Variants in DNMT3A observed in about 807,000 individuals in gnomAD.
DNMT3A encodes DNA methyltransferase 3 alpha.
In DNMT3A, 267 loss-of-function variants were observed where a neutral mutation model predicts 117.6. That is an observed-to-expected ratio of 2.27 (90% confidence interval 2.05 to 2.51). The LOEUF is 2.51. Among genes scored for constraint, DNMT3A ranks in the 30% most tolerant of loss-of-function variants. The probability of loss-of-function intolerance (pLI) is 0.00; values close to 1 mark genes in which losing one functional copy is unlikely to be tolerated. For synonymous variants in DNMT3A, 432 were observed against 474.8 expected (o/e 0.91, Z 1.17); for missense variants, 1,029 against 1,260.2 (o/e 0.82, Z 2.78).
chr2:25,303,636 G>A (rs954386121), intron 2 of DNMT3A, among the ~76,000 whole-genome samples: 8 of 152,224 alleles, frequency 5.3e-5, no homozygotes, highest in Admixed American at 3.9e-4. Flanking sequence ...GTCGTGCTTG[G>A]AGTCTCCACG....
intron 1 of DNMT3A, among the ~76,000 whole-genome samples, chr2:25,338,884 G>A (rs1487118453): frequency 1.3e-5 from 2 of 152,164 alleles, no homozygotes; most frequent in African/African-American, 4.8e-5. Context: ...AGGGACTGAG[G>A]AGCTTACTGT....
At chr2:25,240,863 G>T in intron 17 of DNMT3A, 133 bp from the exon 18 acceptor site, 1 of 798,060 alleles carries the variant, frequency 1.3e-6, no homozygotes, top group Non-Finnish European at 2.0e-6. Flanking sequence ...TGCTCTGCAG[G>T]CTCACGACCC....
Position 25,327,213 on chromosome 2 carries a change from C to A in DNMT3A, c.-177-13052G>T, listed in dbSNP as rs1036949120. On this transcript the variant is annotated intron_variant, in intron 1 of 22. Transcript: ENST00000321117. The surrounding 1 kb of genome is among the most constrained non-coding windows in gnomAD (Gnocchi z 4.1). ...CTAGCCAATTCCTCATTATTCCAAT[C>A]CAATTAGAGTTAATAATTCGTTATG... 6.6e-6 allele frequency among the ~76,000 whole-genome samples: 1 copy of A among 152,214 alleles called. No homozygotes were observed. Among genetic ancestry groups the A allele is most frequent in the African/African-American group, 2.4e-5 (1 of 41,458 alleles).
At chr2:25,266,253 ACAT>A (rs1225399132) in intron 6 of DNMT3A, among the ~76,000 whole-genome samples, 1 of 152,248 alleles carries the variant, frequency 6.6e-6, no homozygotes, top group African/African-American at 2.4e-5. Flanking sequence ...CCTACTCCAA[ACAT>A]CATCATCTCC....
chr2:25,230,789 AAGG>A lies in DNMT3A; in HGVS notation c.*3487_*3489del, dbSNP rs1672835497. ...GGTGATTGTTAACTCTCGTCCCTGC[AAGG>A]GGGGGGGGGGGGGGGCCATGACCCC... On this transcript the variant is annotated 3_prime_UTR_variant, in exon 23 of 23. Coordinates refer to ENST00000321117, the MANE Select transcript of DNMT3A (RefSeq NM_022552.5). 2.5e-3 allele frequency: 3 copies of A among 1,214 alleles called. No individual in the cohort carries two copies. The highest frequency in any genetic ancestry group is 0.01 in the Admixed American group (1 of 96). 0.1% of individuals were successfully genotyped at this position (1,214 alleles called of 1,614,324 possible). A position where few individuals can be genotyped will look rare whatever the true frequency, so the allele number is the denominator to read the frequency against.
chr2:25,244,710 C>T lies in DNMT3A; in HGVS notation c.1555-58G>A, dbSNP rs1054026818. The stretch of plus-strand genomic sequence containing the variant: ...AGGACGGGTCCCAGGACGGCCAGGA[C>T]GAAGGGAGGCTCCACACCTGGCCTC... On this transcript the variant is annotated intron_variant, in intron 13 of 22. Coordinates refer to ENST00000321117, the MANE Select transcript of DNMT3A (RefSeq NM_022552.5). 2.3e-5 allele frequency: 33 copies of T among 1,464,570 alleles called. No individual in the cohort carries two copies. The Admixed American group carries it at 3.9e-4, about 17-fold the overall frequency. The allele number at this position is 1,464,570 out of a possible 1,614,324, so 90.7% of individuals were successfully genotyped here. A position where few individuals can be genotyped will look rare whatever the true frequency, so the allele number is the denominator to read the frequency against.
At chr2:25,287,493 C>T (rs2032396891) in intron 3 of DNMT3A, among the ~76,000 whole-genome samples, 1 of 152,172 alleles carries the variant, frequency 6.6e-6, no homozygotes, top group African/African-American at 2.4e-5. Flanking sequence ...CTTCGCTTTC[C>T]TTCTGGGCAG....
chr2:25,307,857 C>T (rs1025920034), intron 2 of DNMT3A, among the ~76,000 whole-genome samples: 2 of 152,212 alleles, frequency 1.3e-5, no homozygotes, highest in Non-Finnish European at 2.9e-5. Context: ...ATCCCTAACC[C>T]GGCCATTAAG....
Position 25,231,680 on chromosome 2 carries a change from T to TTGAC in DNMT3A, c.*2595_*2598dup, listed in dbSNP as rs1433681848. ...TAGGTAGGGGGAGTTGAGGGCTGAC[T>TTGAC]TGACTGGTGCCTAGAGTTGCAGGTC... On this transcript the variant is annotated 3_prime_UTR_variant, in exon 23 of 23. Transcript: ENST00000321117. 2.6e-5 allele frequency: 4 copies of TTGAC among 152,034 alleles called. 1 individual carries two copies. Among genetic ancestry groups the TTGAC allele is most frequent in the African/African-American group, 9.7e-5 (4 of 41,286 alleles). The allele number at this position is 152,034 out of a possible 1,614,324, so 9.4% of individuals were successfully genotyped here. A position where few individuals can be genotyped will look rare whatever the true frequency, so the allele number is the denominator to read the frequency against.
rs1452710152 is a variant in DNMT3A at position 25,233,291 on chromosome 2, G to T, written c.*988C>A. On this transcript the variant is annotated 3_prime_UTR_variant, in exon 23 of 23. Coordinates refer to ENST00000321117, the MANE Select transcript of DNMT3A (RefSeq NM_022552.5). ...CCTTCACTTCGTTACAAACCAAGGG[G>T]AAGAGCCCACCGTGAGAACGCGCCA... 1 of 233,628 alleles carries T rather than the reference G, an allele frequency of 4.3e-6. No individual in the cohort carries two copies. The highest frequency in any genetic ancestry group is 5.6e-5 in the Admixed American group (1 of 17,770). 14.5% of individuals were successfully genotyped at this position (233,628 alleles called of 1,614,324 possible).
intron 4 of DNMT3A, among the ~76,000 whole-genome samples, chr2:25,280,174 C>A (rs1241306480): frequency 6.6e-6 from 1 of 152,168 alleles, no homozygotes; most frequent in Non-Finnish European, 1.5e-5. Flanking sequence ...CTGCTGCCAT[C>A]CTGCTCATCA....
chr2:25,246,987 C>T, intron 9 of DNMT3A, 64 bp downstream of exon 9: 1 of 1,569,978 alleles, frequency 6.4e-7, no homozygotes, highest in Non-Finnish European at 8.7e-7. Context: ...CCGACCTGCA[C>T]TCCAACTTCC....
intron 4 of DNMT3A, among the ~76,000 whole-genome samples, chr2:25,279,169 G>T (rs1042640315): frequency 1.3e-5 from 2 of 152,192 alleles, no homozygotes; most frequent in Non-Finnish European, 2.9e-5. Context: ...GCACAGGCCT[G>T]TCGGGTGTTG....
chr2:25,288,196 C>T (rs57190448), intron 3 of DNMT3A, among the ~76,000 whole-genome samples: 26 of 146,574 alleles, frequency 1.8e-4, no homozygotes, highest in African/African-American at 6.0e-4. Context: ...GCACTTTGGG[C>T]GGCTGAGGCG....
In DNMT3A at chr2:25,247,205, G is replaced by A. The variant is rs756135638; in HGVS notation, c.1015-47C>T. 1 of 1,587,558 alleles carries A rather than the reference G, an allele frequency of 6.3e-7. No homozygotes were observed. The highest frequency in any genetic ancestry group is 8.6e-7 in the Non-Finnish European group (1 of 1,161,516). On this transcript the variant is annotated intron_variant, in intron 8 of 22. Coordinates refer to ENST00000321117, the MANE Select transcript of DNMT3A (RefSeq NM_022552.5). The surrounding 1 kb of genome is among the most constrained non-coding windows in gnomAD (Gnocchi z 5.6). ...TGTTTGCCGAGGCTTACACTTGCAAGCACCCACCCCATGCCTTGCAACTGG... is the reference window on the plus strand; with the variant it reads ...TGTTTGCCGAGGCTTACACTTGCAAACACCCACCCCATGCCTTGCAACTGG...
chr2:25,275,965 G>A (rs555694090), intron 4 of DNMT3A, among the ~76,000 whole-genome samples: 1 of 152,328 alleles, frequency 6.6e-6, no homozygotes, highest in East Asian at 1.9e-4. Flanking sequence ...AGGAAGGCCT[G>A]GGCCAGAGGG....
Position 25,246,908 on chromosome 2 carries a change from A to G in DNMT3A, c.1123-132T>C, listed in dbSNP as rs542920523. ...GGAGGAACCGCTGAGGAGGAGCGGG[A>G]TGTGCATACGGGCGAGCGAGGTGGA... On this transcript the variant is annotated intron_variant, in intron 9 of 22. Coordinates refer to ENST00000321117, the MANE Select transcript of DNMT3A (RefSeq NM_022552.5). 13 of 1,497,916 alleles carry G rather than the reference A, an allele frequency of 8.7e-6. No individual in the cohort carries two copies. The African/African-American group carries it at 1.2e-4, about 14-fold the overall frequency. The allele number at this position is 1,497,916 out of a possible 1,614,324, so 92.8% of individuals were successfully genotyped here.
Position 25,286,549 on chromosome 2 carries a change from G to T in DNMT3A, c.178-3838C>A, listed in dbSNP as rs568323845. Among the ~76,000 whole-genome samples, 5 of 152,308 alleles carry T rather than the reference G, an allele frequency of 3.3e-5. No individual in the cohort carries two copies. Among genetic ancestry groups the T allele is most frequent in the South Asian group, 2.1e-4 (1 of 4,830 alleles). ...ATTCAGCCAAAGTTCTGGGATTTGG[G>T]GGGGAGGGCAATGACTTCTGCCACG... On this transcript the variant is annotated intron_variant, in intron 3 of 22. Transcript: ENST00000321117. The surrounding 1 kb of genome is among the most constrained non-coding windows in gnomAD (Gnocchi z 4.3).
rs374556221 is a variant in DNMT3A, at chr2:25,268,428, C to T, written c.639+6513G>A. Among the ~76,000 whole-genome samples, 55 of 152,312 alleles carry T rather than the reference C, an allele frequency of 3.6e-4. No homozygotes were observed. In the East Asian group the frequency reaches 8.9e-3, roughly 25 times the overall value. On this transcript the variant is annotated intron_variant, in intron 6 of 22. Transcript: ENST00000321117. Reference sequence around the variant, plus strand: ...TGAGTGGCTTCCCAGGCGAGATGACCGCCCAGCTACTGACCCTGGGTCTCT... The same window carrying T: ...TGAGTGGCTTCCCAGGCGAGATGACTGCCCAGCTACTGACCCTGGGTCTCT...
Sources: gnomAD v4.1 joint callset for allele counts (sites outside exome capture counted in the v4.1 genomes callset) on GRCh38, gnomAD v4.1.1 for gene constraint, Gnocchi (gnomAD v3.1) non-coding constraint, MANE v1.5 for transcripts, NCBI Gene and HGNC (gene_info 2026-07-23, HGNC 2026-07-21) for gene names.